ARHGAP29: variants seen among roughly 807,000 people sequenced by gnomAD.
ARHGAP29 encodes the protein Rho GTPase activating protein 29.
A neutral mutation model predicts 122.6 loss-of-function variants in ARHGAP29; 43 were observed. The ratio of observed to expected loss-of-function variants is 0.35; its 90% CI spans 0.27 to 0.45. The LOEUF (loss-of-function observed/expected upper bound fraction) is 0.45. ARHGAP29 is among the 20% of genes least tolerant of loss of function. The pLI is 1.00. For missense variants in ARHGAP29, 1,303 were observed against 1,477.2 expected, an observed-to-expected ratio of 0.88 and a Z score of 1.93; for synonymous variants, 506 against 497.1, an observed-to-expected ratio of 1.02 and a Z score of -0.24.
chr1:94,206,588 G>C (rs1651206223), intron 5 of ARHGAP29, among the ~76,000 whole-genome samples: 1 of 152,152 alleles, frequency 6.6e-6, no homozygotes, highest in South Asian at 2.1e-4. Flanking sequence ...ATGGTACATA[G>C]TAACCACTAT....
chr1:94,296,738 C>G, the ARHGAP29 span, among the ~76,000 whole-genome samples: 1 of 152,240 alleles, frequency 6.6e-6, no homozygotes, highest in African/African-American at 2.4e-5. Flanking sequence ...CAAAGTTGCT[C>G]TGGAGAGGCA....
chr1:94,213,794 A>T (rs1048409569), intron 3 of ARHGAP29, among the ~76,000 whole-genome samples: 2 of 152,224 alleles, frequency 1.3e-5, no homozygotes, highest in African/African-American at 4.8e-5. Flanking sequence ...ACGTACTTTG[A>T]GAACTGTTGT....
rs1288593787 is a variant in ARHGAP29, at chr1:94,171,643, G to A, written c.*2226C>T. The A allele has an allele frequency of 2.6e-5, 4 of 152,198 alleles. No individual in the cohort carries two copies. The highest frequency in any genetic ancestry group is 4.4e-5 in the Non-Finnish European group (3 of 68,060). The allele number at this position is 152,198 out of a possible 1,614,324, so 9.4% of individuals were successfully genotyped here. A position where few individuals can be genotyped will look rare whatever the true frequency, so the allele number is the denominator to read the frequency against. On this transcript the variant is annotated 3_prime_UTR_variant, in exon 23 of 23. Coordinates refer to ENST00000260526, the MANE Select transcript of ARHGAP29 (RefSeq NM_004815.4). The stretch of plus-strand genomic sequence containing the variant: ...AGCAACCTCTTCTCAAGAGATACTT[G>A]CCTCAGGGCCCCAGGAAACTAGAAA...
the ARHGAP29 span, among the ~76,000 whole-genome samples, chr1:94,296,588 A>G: frequency 3.9e-5 from 6 of 152,108 alleles, no homozygotes; most frequent in African/African-American, 7.2e-5. Context: ...CTCTTATCTC[A>G]TGCTCTTCTT....
chr1:94,306,061 T>G, the ARHGAP29 span, among the ~76,000 whole-genome samples: 1 of 152,244 alleles, frequency 6.6e-6, no homozygotes, highest in African/African-American at 2.4e-5. Context: ...ATGGGAACTA[T>G]GAAAACAGCA....
chr1:94,223,866 G>A (rs1030482166), intron 2 of ARHGAP29, among the ~76,000 whole-genome samples: 4 of 151,230 alleles, frequency 2.6e-5, no homozygotes, highest in South Asian at 2.1e-4. Context: ...AGAATGCCAC[G>A]GTGCAATCTC....
chr1:94,206,413 C>T (rs1007866964), intron 5 of ARHGAP29, among the ~76,000 whole-genome samples: 2 of 152,112 alleles, frequency 1.3e-5, no homozygotes, highest in African/African-American at 4.8e-5. Context: ...CAAAACTGAT[C>T]GAGGAGACCT....
intron 3 of ARHGAP29, among the ~76,000 whole-genome samples, chr1:94,215,104 G>GAAAAAAAAAAA (rs199693229): frequency 2.4e-5 from 2 of 83,634 alleles, no homozygotes; most frequent in Non-Finnish European, 2.8e-5. Context: ...GCATGAAAAG[G>GAAAAAAAAAAA]AAAAAAAAAA....
chr1:94,292,009 G>A, the ARHGAP29 span, among the ~76,000 whole-genome samples: 1 of 152,164 alleles, frequency 6.6e-6, no homozygotes, highest in South Asian at 2.1e-4. Context: ...GCCTTGCTAG[G>A]TTGGGGAAGT....
At chr1:94,195,226 C>T (rs1474673932) in intron 12 of ARHGAP29, 1 of 152,150 alleles carries the variant, frequency 6.6e-6, no homozygotes, top group African/African-American at 2.4e-5. Flanking sequence ...ACTTTTCTCT[C>T]ATTTTATAAG....
chr1:94,179,993 A>AT (rs1300780810), intron 19 of ARHGAP29, 36 bp from the exon 20 acceptor site: 5 of 1,442,530 alleles, frequency 3.5e-6, no homozygotes, highest in Middle Eastern at 2.0e-4. Flanking sequence ...TAAGCATTCT[A>AT]TTTTTTTCTG....
chr1:94,205,616 T>C lies in ARHGAP29; in HGVS notation c.559+19A>G, dbSNP rs369644456. The stretch of plus-strand genomic sequence containing the variant: ...ACTACAAGAAGTTTGTGAAAAGTTA[T>C]AAACACCTTGAGCATTACCTTTTTC... On this transcript the variant is annotated intron_variant, in intron 6 of 22. Coordinates refer to ENST00000260526, the MANE Select transcript of ARHGAP29 (RefSeq NM_004815.4). 2.9e-5 allele frequency: 46 copies of C among 1,607,654 alleles called. No individual in the cohort carries two copies. Among genetic ancestry groups the C allele is most frequent in the Non-Finnish European group, 3.7e-5 (43 of 1,177,072 alleles).
intron 12 of ARHGAP29, among the ~76,000 whole-genome samples, chr1:94,197,294 G>T (rs192359130): frequency 3.3e-5 from 5 of 151,890 alleles, no homozygotes; most frequent in Non-Finnish European, 5.9e-5. Flanking sequence ...AAAGCCACAA[G>T]CTACCAAAAA....
chr1:94,271,526 T>G (rs1428898633), intron 1 of ARHGAP29, among the ~76,000 whole-genome samples: 2 of 152,192 alleles, frequency 1.3e-5, no homozygotes, highest in Admixed American at 1.3e-4. Flanking sequence ...GGAGCCAGAT[T>G]AGAAACTGTC....
At chr1:94,276,655 T>G (rs1655201463), upstream of ARHGAP29, among the ~76,000 whole-genome samples, 1 of 151,180 alleles carries the variant, frequency 6.6e-6, no homozygotes, top group Admixed American at 6.6e-5. Context: ...GTGGCGTGTG[T>G]CTGTAGTCCC....
intron 12 of ARHGAP29, among the ~76,000 whole-genome samples, chr1:94,199,653 C>G (rs774623192): frequency 6.6e-6 from 1 of 152,140 alleles, no homozygotes; most frequent in Admixed American, 6.5e-5. Context: ...TACCAAACAA[C>G]GGGAGACCAT....
At chr1:94,285,063 C>A in the ARHGAP29 span, among the ~76,000 whole-genome samples, 2 of 152,122 alleles carry the variant, frequency 1.3e-5, no homozygotes, top group Non-Finnish European at 2.9e-5. Flanking sequence ...TTATTGTCTA[C>A]CTAACATGTA....
intron 3 of ARHGAP29, among the ~76,000 whole-genome samples, chr1:94,216,978 T>C (rs1651985712): frequency 2.0e-5 from 3 of 152,140 alleles, no homozygotes; most frequent in Admixed American, 2.0e-4. Context: ...TTAAAGTTAT[T>C]AAAAGGTAAA....
At chr1:94,276,780 C>CAA (rs34090768), upstream of ARHGAP29, among the ~76,000 whole-genome samples, 25 of 40,630 alleles carry the variant, frequency 6.2e-4, no homozygotes, top group African/African-American at 1.2e-3. Flanking sequence ...GACCCTGTCT[C>CAA]AAAAAAAAAA....
Sources: allele counts gnomAD v4.1 joint callset (sites outside exome capture counted in the v4.1 genomes callset), GRCh38; gene constraint gnomAD v4.1.1; transcripts MANE v1.5; gene names NCBI Gene and HGNC (gene_info 2026-07-23, HGNC 2026-07-21).